The following ZNF585B variants were observed in gnomAD, a reference collection of about 807,000 sequenced individuals.
ZNF585B encodes zinc finger protein 41-like protein.
A neutral mutation model predicts 14.0 loss-of-function variants in ZNF585B; 7 were observed. That is an observed-to-expected ratio of 0.50 (90% CI 0.28 to 0.94). The LOEUF is 0.94. Ranked by LOEUF, ZNF585B falls within the 40% of genes least tolerant of loss-of-function variation. The pLI is 0.09. For missense variants in ZNF585B, 750 were observed against 924.4 expected (o/e 0.81, Z 2.45); for synonymous variants, 290 against 317.3 (o/e 0.91, Z 0.91).
At chr19:37,209,394 G>A (rs188877) in intron 1 of ZNF585B, among the ~76,000 whole-genome samples, 1 of 151,782 alleles carries the variant, frequency 6.6e-6, no homozygotes, top group Non-Finnish European at 1.5e-5. Context: ...TGAGCCACCA[G>A]GCCCGGTCAG....
intron 2 of ZNF585B, among the ~76,000 whole-genome samples, chr19:37,198,641 C>T (rs1349626445): frequency 6.6e-6 from 1 of 150,514 alleles, no homozygotes; most frequent in Non-Finnish European, 1.5e-5. Flanking sequence ...GAGGCTGAGA[C>T]AGGAGAATCT....
rs1423850338 is a variant in ZNF585B, at chr19:37,184,493, A to G, written c.*734T>C. On this transcript the variant is annotated 3_prime_UTR_variant, in exon 5 of 5. Transcript: ENST00000532828. ...GAAAGAAAGAAAGAAAGAAAGAAAG[A>G]AAGAAAGAAAGAGAAAGAAAGAAAG... The G allele has an allele frequency of 9.1e-6, 1 of 110,168 alleles. No individual in the cohort carries two copies. The highest frequency in any genetic ancestry group is 2.0e-5 in the Non-Finnish European group (1 of 49,016). 6.8% of individuals were successfully genotyped at this position (110,168 alleles called of 1,614,324 possible).
rs60442183 is a variant in ZNF585B at position 37,184,416 on chromosome 19, G to GAAAGAAAGAGAGAA, written c.*810_*811insTTCTCTCTTTCTTT. On this transcript the variant is annotated 3_prime_UTR_variant, in exon 5 of 5. Coordinates refer to ENST00000532828, the MANE Select transcript of ZNF585B (RefSeq NM_152279.4). Reference sequence around the variant, plus strand: ...AGAAAGAAAGAAAGAAAGAAAGAAAGAGAAAGAAAGAAAAAGAAAGAAAGA... The same window carrying GAAAGAAAGAGAGAA: ...AGAAAGAAAGAAAGAAAGAAAGAAAGAAAGAAAGAGAGAAAGAAAGAAAGAAAAAGAAAGAAAGA... 1 of 67,942 alleles carries GAAAGAAAGAGAGAA rather than the reference G, an allele frequency of 1.5e-5. No homozygotes were observed. 4.2% of individuals were successfully genotyped at this position (67,942 alleles called of 1,614,324 possible). A position where few individuals can be genotyped will look rare whatever the true frequency, so the allele number is the denominator to read the frequency against.
At chr19:37,207,729 C>T (rs1333717938) in intron 1 of ZNF585B, among the ~76,000 whole-genome samples, 1 of 152,128 alleles carries the variant, frequency 6.6e-6, no homozygotes, top group African/African-American at 2.4e-5. Context: ...TCAATGCCTC[C>T]CTGCCATGCA....
chr19:37,188,356 C>G (rs1972362131), intron 4 of ZNF585B, among the ~76,000 whole-genome samples: 1 of 152,176 alleles, frequency 6.6e-6, no homozygotes, highest in Non-Finnish European at 1.5e-5. Flanking sequence ...CGTGGTGGCT[C>G]ATGCCTGTAA....
intron 4 of ZNF585B, among the ~76,000 whole-genome samples, chr19:37,188,335 T>C (rs1972361822): frequency 6.6e-6 from 1 of 151,726 alleles, no homozygotes; most frequent in African/African-American, 2.4e-5. Flanking sequence ...AAAAATACAA[T>C]GTTAGCTGGG....
chr19:37,191,676 A>G (rs1156655174), intron 2 of ZNF585B, among the ~76,000 whole-genome samples: 1 of 152,088 alleles, frequency 6.6e-6, no homozygotes, highest in Non-Finnish European at 1.5e-5. Flanking sequence ...CTAACAAAGA[A>G]TTCCAGCTAT....
chr19:37,187,266 A>C, intron 4 of ZNF585B, 22 bp from the exon 5 acceptor site: 1 of 1,514,882 alleles, frequency 6.6e-7, no homozygotes, highest in Non-Finnish European at 9.0e-7. Flanking sequence ...CATTCACAGT[A>C]AGTATAGAAA....
chr19:37,181,734 A>C lies in ZNF585B; in HGVS notation c.*3493T>G, dbSNP rs1012965810. The C allele has an allele frequency of 6.6e-6, 1 of 152,074 alleles. No homozygotes were observed. The highest frequency in any genetic ancestry group is 1.5e-5 in the Non-Finnish European group (1 of 68,026). The allele number at this position is 152,074 out of a possible 1,614,324, so 9.4% of individuals were successfully genotyped here. ...AAAAGAGCTAGCAAGCTACGAAAAG[A>C]CATGGAAGAAACTTAAATCCACATT... On this transcript the variant is annotated 3_prime_UTR_variant, in exon 5 of 5. Transcript: ENST00000532828.
In ZNF585B at chr19:37,207,088, G is replaced by A; in HGVS notation, c.24C>T (p.Pro8=). The A allele has an allele frequency of 6.2e-7, 1 of 1,614,128 alleles. No individual in the cohort carries two copies. Among genetic ancestry groups the A allele is most frequent in the South Asian group, 1.1e-5 (1 of 91,088 alleles). The change falls in exon 2 of 5, where the codon CCC becomes CCT. Residue 8 remains proline (P), a synonymous_variant. Transcript: ENST00000532828. MPASWTS[P]QKSSALAPED... ...CTGGAGCCAGGGCTGAGGATTTCTGGGGTGAGGTCCAACTAGCTGGCATGG... is the reference window on the plus strand; with the variant it reads ...CTGGAGCCAGGGCTGAGGATTTCTGAGGTGAGGTCCAACTAGCTGGCATGG...
rs916571380 is a variant in ZNF585B, at chr19:37,192,521, T to A, written c.73-2371A>T. ...GAACCTGTCTCAAAAAAAAAAAAAA[T>A]AAAATAAGGCCGGGCGCAGTGGCTC... On this transcript the variant is annotated intron_variant, in intron 2 of 4. Coordinates refer to ENST00000532828, the MANE Select transcript of ZNF585B (RefSeq NM_152279.4). 8.6e-3 allele frequency among the ~76,000 whole-genome samples: 1,158 copies of A among 135,428 alleles called. 22 individuals are homozygous for A. The highest frequency in any genetic ancestry group is 0.032 in the African/African-American group (1,104 of 34,484). 88.8% of individuals were successfully genotyped at this position (135,428 alleles called of 152,430 possible). A position where few individuals can be genotyped will look rare whatever the true frequency, so the allele number is the denominator to read the frequency against.
chr19:37,199,740 A>G (rs757897983), intron 2 of ZNF585B, among the ~76,000 whole-genome samples: 1 of 152,188 alleles, frequency 6.6e-6, no homozygotes, highest in Non-Finnish European at 1.5e-5. Context: ...CACTATAATT[A>G]TAACTACTTA....
chr19:37,186,885 C>G lies in ZNF585B; in HGVS notation c.652G>C (p.Glu218Gln), dbSNP rs759332538. The G allele has an allele frequency of 6.2e-7, 1 of 1,613,776 alleles. No individual in the cohort carries two copies. The highest frequency in any genetic ancestry group is 1.3e-5 in the African/African-American group (1 of 74,894). ...TTATAAGGGAAACCTTTCCCACATT[C>G]ACTACATTCATATAGTTTTTCTCCG... ...HTGEKLYECSECGKGFPYNSD... is the reference protein window; with the variant it reads ...HTGEKLYECSQCGKGFPYNSD... The change falls in exon 5 of 5, where the codon GAA becomes CAA. Residue 218 changes from glutamate to glutamine, a missense_variant. Transcript: ENST00000532828.
chr19:37,198,216 G>C (rs957574315), intron 2 of ZNF585B, among the ~76,000 whole-genome samples: 12 of 152,084 alleles, frequency 7.9e-5, no homozygotes, highest in Middle Eastern at 6.8e-3. Context: ...TTGTTGCCTG[G>C]GTTGGAGTGT....
At chr19:37,188,345 G>A (rs901792883) in intron 4 of ZNF585B, among the ~76,000 whole-genome samples, 16 of 152,298 alleles carry the variant, frequency 1.1e-4, no homozygotes, top group Non-Finnish European at 1.6e-4. Flanking sequence ...TGTTAGCTGG[G>A]CGTGGTGGCT....
chr19:37,203,754 G>C (rs1972558939), intron 2 of ZNF585B, among the ~76,000 whole-genome samples: 1 of 152,140 alleles, frequency 6.6e-6, no homozygotes, highest in African/African-American at 2.4e-5. Flanking sequence ...TCAGCCTCCA[G>C]AGTAGCTGGG....
rs752663616 is a variant in ZNF585B at position 37,204,750 on chromosome 19, CT to C, written c.72+2289del. ...GCACCATGCCAGACTAATTGTTTTT[CT>C]TTTTTTTTTTTTTGAGACAGAGGCT... On this transcript the variant is annotated intron_variant, in intron 2 of 4. Transcript: ENST00000532828. 2.7e-3 allele frequency among the ~76,000 whole-genome samples: 376 copies of C among 140,666 alleles called. 1 individual carries two copies. The highest frequency in any genetic ancestry group is 3.9e-3 in the Middle Eastern group (1 of 256). 92.3% of individuals were successfully genotyped at this position (140,666 alleles called of 152,430 possible).
rs1657510 is a variant in ZNF585B at position 37,186,193 on chromosome 19, A to G, written c.1344T>C (p.Thr448=). 17 of 1,614,176 alleles carry G rather than the reference A, an allele frequency of 1.1e-5. No individual in the cohort carries two copies. Among genetic ancestry groups the G allele is most frequent in the South Asian group, 7.7e-5 (7 of 91,072 alleles). The change falls in exon 5 of 5, where the codon ACT becomes ACC. Residue 448 remains threonine (T), a synonymous_variant. Coordinates refer to ENST00000532828, the MANE Select transcript of ZNF585B (RefSeq NM_152279.4). Reference sequence around the variant, plus strand: ...TATGAACATGGAGTTGTGACTTGGAAGTAAACAATTTCCCACAGTGACCAC... The same window carrying G: ...TATGAACATGGAGTTGTGACTTGGAGGTAAACAATTTCCCACAGTGACCAC... ...YKCGHCGKLF[T]SKSQLHVHKR...
At chr19:37,188,913 G>A (rs575573953) in intron 4 of ZNF585B, among the ~76,000 whole-genome samples, 3 of 152,060 alleles carry the variant, frequency 2.0e-5, no homozygotes, top group South Asian at 4.1e-4. Context: ...AATAGTTAGA[G>A]AGCCTGACTG....
Sources: gnomAD v4.1 joint callset for allele counts (sites outside exome capture counted in the v4.1 genomes callset) on GRCh38, gnomAD v4.1.1 for gene constraint, MANE v1.5 for transcripts, NCBI Gene and HGNC (gene_info 2026-07-23, HGNC 2026-07-21) for gene names.